The following OR3A2 variants were observed in gnomAD, a reference collection of about 807,000 sequenced individuals.
OR3A2 encodes olfactory receptor family 3 subfamily A member 2.
For synonymous variants in OR3A2, 126 were observed against 159.3 expected (o/e 0.79, Z 1.57); for missense variants, 318 against 392.8 (o/e 0.81, Z 1.61).
chr17:3,382,367 C>T lies in OR3A2; in HGVS notation c.-179+1437G>A, dbSNP rs544250606. ...ATTCCCAGAGCCCTTATAGCTGTGG[C>T]GTTCTCTCTATATACAGCTTCTGTC... On this transcript the variant is annotated intron_variant, in intron 2 of 4. Transcript: ENST00000573491. Among the ~76,000 whole-genome samples, 14 of 152,226 alleles carry T rather than the reference C, an allele frequency of 9.2e-5. No homozygotes were observed. In the East Asian group the frequency reaches 2.5e-3, roughly 27 times the overall value.
chr17:3,351,716 C>T (rs2049421623), intron 2 of OR3A2, among the ~76,000 whole-genome samples: 1 of 150,752 alleles, frequency 6.6e-6, no homozygotes, highest in Non-Finnish European at 1.5e-5. Context: ...AAAGAGCCCG[C>T]ATCACCAAGT....
intron 3 of OR3A2, among the ~76,000 whole-genome samples, chr17:3,331,362 T>C (rs1185015562): frequency 6.6e-6 from 1 of 152,192 alleles, no homozygotes; most frequent in Non-Finnish European, 1.5e-5. Context: ...CAATCCGACG[T>C]AGATTTGGTC....
intron 1 of OR3A2, among the ~76,000 whole-genome samples, chr17:3,384,981 C>T (rs754109768): frequency 1.5e-4 from 23 of 152,044 alleles, no homozygotes; most frequent in Non-Finnish European, 3.1e-4. Context: ...CACCTGAGAT[C>T]GGGAGTTCGA....
At chr17:3,351,895 T>C (rs981587484) in intron 2 of OR3A2, among the ~76,000 whole-genome samples, 1 of 152,120 alleles carries the variant, frequency 6.6e-6, no homozygotes, top group Non-Finnish European at 1.5e-5. Context: ...TACAACTATC[T>C]GATCTTTGAC....
chr17:3,378,470 C>T (rs1321799608), intron 2 of OR3A2, among the ~76,000 whole-genome samples: 1 of 152,202 alleles, frequency 6.6e-6, no homozygotes, highest in African/African-American at 2.4e-5. Flanking sequence ...AGGGGGCTTC[C>T]TGGACCCCTA....
chr17:3,336,673 A>C (rs562996310), intron 2 of OR3A2, among the ~76,000 whole-genome samples: 1 of 152,264 alleles, frequency 6.6e-6, no homozygotes, highest in Non-Finnish European at 1.5e-5. Context: ...ATGTATCCAA[A>C]TCTTACACTG....
intron 3 of OR3A2, among the ~76,000 whole-genome samples, chr17:3,312,325 T>C (rs2049050772): frequency 6.6e-6 from 1 of 152,154 alleles, no homozygotes; most frequent in African/African-American, 2.4e-5. Flanking sequence ...GGTGTGATTT[T>C]TAAAAGGCTC....
intron 3 of OR3A2, among the ~76,000 whole-genome samples, chr17:3,309,436 T>C (rs1041021817): frequency 5.9e-5 from 9 of 152,162 alleles, no homozygotes; most frequent in African/African-American, 2.2e-4. Flanking sequence ...TCTGCTTACC[T>C]AAGACTCTAT....
intron 2 of OR3A2, among the ~76,000 whole-genome samples, chr17:3,349,503 C>G (rs1381884105): frequency 6.6e-6 from 1 of 152,038 alleles, no homozygotes; most frequent in African/African-American, 2.4e-5. Context: ...ATATATGCAC[C>G]CAATACAGGA....
At chr17:3,382,968 G>A (rs972560958) in intron 2 of OR3A2, among the ~76,000 whole-genome samples, 2 of 152,152 alleles carry the variant, frequency 1.3e-5, no homozygotes, top group African/African-American at 4.8e-5. Flanking sequence ...CAATAAAGGG[G>A]CATGAATTGT....
At chr17:3,340,351 T>C (rs2150647124) in intron 2 of OR3A2, among the ~76,000 whole-genome samples, 1 of 152,300 alleles carries the variant, frequency 6.6e-6, no homozygotes, top group Middle Eastern at 3.4e-3. Context: ...TTCTTTTCAT[T>C]GTGATGTTAG....
At chr17:3,343,962 G>A (rs1157427149) in intron 2 of OR3A2, among the ~76,000 whole-genome samples, 2 of 152,208 alleles carry the variant, frequency 1.3e-5, no homozygotes, top group Non-Finnish European at 2.9e-5. Context: ...AGAAGCAGAA[G>A]GAGGGGTCTG....
upstream of OR3A2, among the ~76,000 whole-genome samples, chr17:3,287,833 T>C (rs1207961288): frequency 6.6e-6 from 1 of 151,754 alleles, no homozygotes; most frequent in Admixed American, 6.6e-5. Flanking sequence ...TATATATATA[T>C]AATATCAATA....
chr17:3,369,490 T>G (rs903903411), intron 2 of OR3A2, among the ~76,000 whole-genome samples: 2 of 152,252 alleles, frequency 1.3e-5, no homozygotes, highest in African/African-American at 4.8e-5. Context: ...TCTATTGAGA[T>G]GATCATAAGA....
intron 2 of OR3A2, among the ~76,000 whole-genome samples, chr17:3,354,992 T>G (rs1475209653): frequency 2.6e-5 from 4 of 151,442 alleles, no homozygotes; most frequent in Admixed American, 2.6e-4. Context: ...TTTTTATTCC[T>G]TCTCAATGTT....
At chr17:3,292,588 C>A in intron 3 of OR3A2, 2 of 1,590,886 alleles carry the variant, frequency 1.3e-6, no homozygotes, top group Non-Finnish European at 1.7e-6. Flanking sequence ...TGCATGAGTT[C>A]CTGCAAAGAA....
chr17:3,384,611 T>C (rs2049763622), intron 1 of OR3A2, among the ~76,000 whole-genome samples: 1 of 152,092 alleles, frequency 6.6e-6, no homozygotes, highest in Non-Finnish European at 1.5e-5. Flanking sequence ...ATTAATAAAG[T>C]ATTAAACATG....
In OR3A2 at chr17:3,310,851, T is replaced by C. The variant is rs2855677; in HGVS notation, c.-85+25182A>G. ...TGGCCCCAATGTGATCAATCACTTC[T>C]ACTGTGACCTCCCACAGCCCTTCCA... On this transcript the variant is annotated intron_variant, in intron 3 of 4. Coordinates refer to the OR3A2 transcript ENST00000573491. 6,323 of 1,043,634 alleles carry C rather than the reference T, an allele frequency of 6.1e-3. 256 individuals are homozygous for C. In the African/African-American group the frequency reaches 0.093, roughly 15 times the overall value. 64.6% of individuals were successfully genotyped at this position (1,043,634 alleles called of 1,614,324 possible). A position where few individuals can be genotyped will look rare whatever the true frequency, so the allele number is the denominator to read the frequency against.
At chr17:3,369,279 T>C (rs1389506127) in intron 2 of OR3A2, among the ~76,000 whole-genome samples, 3 of 152,158 alleles carry the variant, frequency 2.0e-5, no homozygotes, top group Non-Finnish European at 2.9e-5. Context: ...CTATGTTGAA[T>C]AGAAGTGGTG....
Sources: gnomAD v4.1 joint callset for allele counts (sites outside exome capture counted in the v4.1 genomes callset) on GRCh38, gnomAD v4.1.1 for gene constraint, MANE v1.5 for transcripts, NCBI Gene and HGNC (gene_info 2026-07-23, HGNC 2026-07-21) for gene names.